The following RFX3 variants were observed in gnomAD, a reference collection of about 807,000 sequenced individuals.
The protein encoded by RFX3 is regulatory factor X3.
RFX3 carries 14 observed loss-of-function variants against 98.6 expected under a neutral mutation model. The ratio of observed to expected loss-of-function variants is 0.14; its 90% CI spans 0.09 to 0.22. RFX3 has a LOEUF of 0.22. RFX3 is among the 10% of genes least tolerant of loss of function. The pLI is 1.00. For synonymous variants in RFX3, 383 were observed against 328.4 expected (o/e 1.17, Z -1.80); for missense variants, 639 against 926.9 (o/e 0.69, Z 4.03).
At chr9:3,314,780 C>T (rs117361631) in intron 4 of RFX3, among the ~76,000 whole-genome samples, 1,957 of 152,034 alleles carry the variant, frequency 0.013, 22 homozygotes, top group Non-Finnish European at 0.021. Flanking sequence ...ACAAACAGGG[C>T]CATTACATAA....
intron 1 of RFX3, among the ~76,000 whole-genome samples, chr9:3,418,005 A>G (rs1420594826): frequency 6.6e-6 from 1 of 152,178 alleles, no homozygotes; most frequent in African/African-American, 2.4e-5. Flanking sequence ...AGATATGCAT[A>G]TTTGTTGGCC....
chr9:3,238,339 G>A (rs2130816234), intron 15 of RFX3, among the ~76,000 whole-genome samples: 1 of 152,136 alleles, frequency 6.6e-6, no homozygotes. Context: ...GTCGGTTTAT[G>A]CACTGATCAA....
chr9:3,495,788 A>G lies in RFX3; in HGVS notation c.-9+29959T>C, dbSNP rs112847995. 4.6e-5 allele frequency among the ~76,000 whole-genome samples: 7 copies of G among 152,230 alleles called. 1 individual carries two copies. Among genetic ancestry groups the G allele is most frequent in the Admixed American group, 1.3e-4 (2 of 15,286 alleles). On this transcript the variant is annotated intron_variant, in intron 1 of 16. Transcript: ENST00000617270. ...TCTCCTCAAAGAATTGAAATAGGAT[A>G]GCCACTGCCTAAACCAGTTTAATCA...
chr9:3,292,934 C>T, intron 6 of RFX3, 143 bp downstream of exon 6: 5 of 574,806 alleles, frequency 8.7e-6, no homozygotes, highest in South Asian at 6.2e-5. Context: ...CTTTCCTTTT[C>T]CTGGGGATGT....
chr9:3,324,687 G>T (rs1745504260), intron 4 of RFX3, among the ~76,000 whole-genome samples: 1 of 152,110 alleles, frequency 6.6e-6, no homozygotes, highest in Non-Finnish European at 1.5e-5. Context: ...TGGTGGCAGG[G>T]AGTGGTGGCT....
intron 3 of RFX3, among the ~76,000 whole-genome samples, chr9:3,341,371 T>C (rs571837261): frequency 2.0e-5 from 3 of 151,528 alleles, no homozygotes; most frequent in Non-Finnish European, 2.9e-5. Flanking sequence ...AACCTGCACA[T>C]TGTGCACATG....
At chr9:3,240,653 T>C (rs1819788425) in intron 15 of RFX3, among the ~76,000 whole-genome samples, 1 of 152,214 alleles carries the variant, frequency 6.6e-6, no homozygotes, top group Admixed American at 6.5e-5. Context: ...TTTATGGTAG[T>C]ATATTTTATA....
At chr9:3,505,240 T>TCA (rs1554728240) in intron 1 of RFX3, among the ~76,000 whole-genome samples, 5 of 84,164 alleles carry the variant, frequency 5.9e-5, no homozygotes, top group East Asian at 1.2e-3. Flanking sequence ...GAATATATAT[T>TCA]TATATATATA....
chr9:3,468,488 G>T (rs1030166776), intron 1 of RFX3, among the ~76,000 whole-genome samples: 3 of 152,266 alleles, frequency 2.0e-5, no homozygotes, highest in African/African-American at 7.2e-5. Flanking sequence ...GCTATTTCTT[G>T]TAGAGAGAAA....
intron 1 of RFX3, among the ~76,000 whole-genome samples, chr9:3,504,245 A>G (rs1816423670): frequency 1.5e-5 from 2 of 132,298 alleles, no homozygotes; most frequent in South Asian, 2.2e-4. Flanking sequence ...TATTATATAT[A>G]TATTTTATAT....
chr9:3,293,099 G>A lies in RFX3; in HGVS notation c.709C>T (p.Arg237Ter), dbSNP rs757065522. The change falls in exon 6 of 17, where the codon CGA becomes TGA. Residue 237 changes from arginine (R) to a stop codon, truncating the protein, a stop_gained. Transcript: ENST00000617270. LOFTEE classifies it high-confidence loss of function. The part of the protein sequence containing the change: ...KLIRSIFMGL[R>*]TRRLGTRGNS... ...AACCTAGTGCCCAATCTCCTGGTTC[G>A]TAGCCCCATAAAAATTGATCTTATT... 6.2e-7 allele frequency: 1 copy of A among 1,611,834 alleles called. No individual in the cohort carries two copies. The highest frequency in any genetic ancestry group is 8.5e-7 in the Non-Finnish European group (1 of 1,178,908).
At chr9:3,344,062 C>T (rs1267292743) in intron 3 of RFX3, among the ~76,000 whole-genome samples, 1 of 152,062 alleles carries the variant, frequency 6.6e-6, no homozygotes, top group Non-Finnish European at 1.5e-5. Flanking sequence ...TCATGTTTAC[C>T]TATTATGTGG....
chr9:3,450,380 C>G (rs941246387), intron 1 of RFX3, among the ~76,000 whole-genome samples: 3 of 151,260 alleles, frequency 2.0e-5, no homozygotes, highest in African/African-American at 7.4e-5. Flanking sequence ...ATGTTTTTCT[C>G]TCTTTTTTTT....
intron 1 of RFX3, among the ~76,000 whole-genome samples, chr9:3,442,632 T>C (rs1008332433): frequency 6.6e-6 from 1 of 152,200 alleles, no homozygotes; most frequent in Non-Finnish European, 1.5e-5. Context: ...AAATATATCA[T>C]GCTTATTTAA....
intron 1 of RFX3, among the ~76,000 whole-genome samples, chr9:3,509,434 A>C (rs1817452827): frequency 6.6e-6 from 1 of 152,028 alleles, no homozygotes. Flanking sequence ...AGGACTGAAA[A>C]TTATTTACAC....
intron 2 of RFX3, among the ~76,000 whole-genome samples, chr9:3,349,541 A>G (rs1005364583): frequency 2.6e-5 from 4 of 151,944 alleles, no homozygotes; most frequent in Non-Finnish European, 5.9e-5. Flanking sequence ...TGGACAGATG[A>G]CCCTCCTTTC....
chr9:3,282,134 T>G (rs1688806769), intron 7 of RFX3, among the ~76,000 whole-genome samples: 1 of 151,758 alleles, frequency 6.6e-6, no homozygotes, highest in Non-Finnish European at 1.5e-5. Context: ...TCTTGTAATC[T>G]CTTTGGAAAA....
chr9:3,445,313 T>C (rs866986226), intron 1 of RFX3, among the ~76,000 whole-genome samples: 1 of 152,196 alleles, frequency 6.6e-6, no homozygotes, highest in Non-Finnish European at 1.5e-5. Context: ...AAGAGTTCAA[T>C]GCATAATAGT....
chr9:3,365,761 G>T (rs988218143), intron 2 of RFX3, among the ~76,000 whole-genome samples: 31 of 151,890 alleles, frequency 2.0e-4, no homozygotes, highest in African/African-American at 6.8e-4. Context: ...CACACTTCCT[G>T]CTATTCCACT....
Sources: gnomAD v4.1 joint callset for allele counts (sites outside exome capture counted in the v4.1 genomes callset) on GRCh38, gnomAD v4.1.1 for gene constraint, MANE v1.5 for transcripts, NCBI Gene and HGNC (gene_info 2026-07-23, HGNC 2026-07-21) for gene names.